DCLK1: variants seen among roughly 807,000 people sequenced by gnomAD.
DCLK1 encodes serine/threonine-protein kinase DCLK1.
DCLK1 carries 16 observed loss-of-function variants against 86.2 expected under a neutral mutation model. That is an observed-to-expected ratio of 0.19 (90% confidence interval 0.13 to 0.28). DCLK1 has a LOEUF of 0.28. Ranked by LOEUF, DCLK1 falls within the 10% of genes least tolerant of loss-of-function variation. The probability of loss-of-function intolerance (pLI) is 1.00; values close to 1 mark genes in which losing one functional copy is unlikely to be tolerated. For synonymous variants in DCLK1, 369 were observed against 370.5 expected (o/e 1.00, Z 0.05); for missense variants, 590 against 940.2 (o/e 0.63, Z 4.87).
At chr13:35,951,070 CTCCATGGCTCAGAAAGCCA>C (rs1249840568) in intron 3 of DCLK1, among the ~76,000 whole-genome samples, 6 of 152,094 alleles carry the variant, frequency 3.9e-5, no homozygotes, top group Non-Finnish European at 8.8e-5. Context: ...CAATATCTCT[CTCCATGGCTCAGAAAGCCA>C]TCCATGGCTT....
chr13:35,886,452 G>T (rs894682243), intron 4 of DCLK1, among the ~76,000 whole-genome samples: 4 of 152,150 alleles, frequency 2.6e-5, no homozygotes, highest in Non-Finnish European at 5.9e-5. Flanking sequence ...GGAGATTGCA[G>T]AAATATCTAC....
chr13:35,998,714 T>C (rs1366107895), intron 3 of DCLK1, among the ~76,000 whole-genome samples: 1 of 152,166 alleles, frequency 6.6e-6, no homozygotes, highest in African/African-American at 2.4e-5. Context: ...GGTATTGTGA[T>C]TATGCTTTTC....
chr13:35,917,128 C>G (rs548845055), intron 4 of DCLK1, among the ~76,000 whole-genome samples: 20 of 152,266 alleles, frequency 1.3e-4, no homozygotes, highest in Non-Finnish European at 2.9e-4. Context: ...GACTGTCCAC[C>G]CTTCATCAAA....
At chr13:36,096,626 T>C (rs990436367) in intron 3 of DCLK1, among the ~76,000 whole-genome samples, 1 of 152,184 alleles carries the variant, frequency 6.6e-6, no homozygotes, top group Non-Finnish European at 1.5e-5. Flanking sequence ...TATGAAATAA[T>C]TGGATCTCAT....
chr13:35,889,550 T>C (rs576875237), intron 4 of DCLK1, among the ~76,000 whole-genome samples: 1 of 152,318 alleles, frequency 6.6e-6, no homozygotes, highest in African/African-American at 2.4e-5. Flanking sequence ...TTTTTCATTT[T>C]TGTTTTAATT....
At chr13:35,888,847 A>C (rs1374843156) in intron 4 of DCLK1, among the ~76,000 whole-genome samples, 2 of 152,224 alleles carry the variant, frequency 1.3e-5, no homozygotes, top group Non-Finnish European at 2.9e-5. Context: ...ATCATCTTCA[A>C]ATATTTACCC....
intron 4 of DCLK1, among the ~76,000 whole-genome samples, chr13:35,941,186 C>CT (rs1038834292): frequency 1.3e-4 from 20 of 151,970 alleles, no homozygotes; most frequent in South Asian, 1.0e-3. Flanking sequence ...AAAGTAATCA[C>CT]TTTTTTTTGC....
intron 2 of DCLK1, among the ~76,000 whole-genome samples, chr13:36,119,935 G>A (rs1436743642): frequency 1.3e-5 from 2 of 152,124 alleles, no homozygotes; most frequent in African/African-American, 4.8e-5. Flanking sequence ...TTCCATTACA[G>A]GAAGATGGGT....
chr13:35,966,627 GC>G (rs1878753529), intron 3 of DCLK1, among the ~76,000 whole-genome samples: 1 of 151,686 alleles, frequency 6.6e-6, no homozygotes, highest in Non-Finnish European at 1.5e-5. Flanking sequence ...GCCTCAGCCT[GC>G]CGAGTGCCTG....
chr13:36,001,862 T>C (rs1880736917), intron 3 of DCLK1, among the ~76,000 whole-genome samples: 1 of 152,130 alleles, frequency 6.6e-6, no homozygotes, highest in Admixed American at 6.5e-5. Context: ...TGAAAGCCCA[T>C]CATTGTACAG....
intron 6 of DCLK1, chr13:35,850,647 T>C (rs1870546530): frequency 2.8e-6 from 4 of 1,447,110 alleles, no homozygotes; most frequent in Non-Finnish European, 3.7e-6. Context: ...TGTATTTTGC[T>C]GTAAGACTTT....
At chr13:35,982,707 G>A (rs917922230) in intron 3 of DCLK1, among the ~76,000 whole-genome samples, 13 of 152,078 alleles carry the variant, frequency 8.5e-5, no homozygotes, top group South Asian at 2.1e-4. Context: ...CGTCTGTTGC[G>A]GAACGTTACA....
chr13:35,989,640 T>TCAGGCAATC (rs1212566436), intron 3 of DCLK1, among the ~76,000 whole-genome samples: 2 of 151,866 alleles, frequency 1.3e-5, no homozygotes, highest in Admixed American at 1.3e-4. Flanking sequence ...ACTCCTAGAG[T>TCAGGCAATC]CAGGCAATCT....
At chr13:36,044,822 A>G (rs1012810172) in intron 3 of DCLK1, among the ~76,000 whole-genome samples, 7 of 152,064 alleles carry the variant, frequency 4.6e-5, no homozygotes, top group Non-Finnish European at 7.4e-5. Context: ...AACAAAATAA[A>G]CATATTTTTT....
chr13:35,804,713 G>A (rs1425871618), intron 15 of DCLK1, among the ~76,000 whole-genome samples: 1 of 152,002 alleles, frequency 6.6e-6, no homozygotes, highest in Non-Finnish European at 1.5e-5. Flanking sequence ...GATTACAGGC[G>A]TGAGGCACTG....
intron 6 of DCLK1, chr13:35,847,713 G>A: frequency 1.0e-6 from 1 of 984,048 alleles, no homozygotes; most frequent in Non-Finnish European, 1.2e-6. Context: ...TCCCCGGCTG[G>A]TTATGTAGGG....
At chr13:35,957,020 CT>C (rs1452832638) in intron 3 of DCLK1, among the ~76,000 whole-genome samples, 1 of 88,442 alleles carries the variant, frequency 1.1e-5, no homozygotes, top group African/African-American at 4.3e-5. Flanking sequence ...ATTGTATGTT[CT>C]TTGTTAGGGT....
At chr13:35,783,651 T>A (rs1230705165) in intron 16 of DCLK1, among the ~76,000 whole-genome samples, 1 of 151,774 alleles carries the variant, frequency 6.6e-6, no homozygotes, top group East Asian at 1.9e-4. Flanking sequence ...AGTGGTGTGA[T>A]CTCGGCTCAT....
Position 35,960,187 on chromosome 13 carries a change from C to G in DCLK1, c.724-12730G>C, listed in dbSNP as rs187914269. 1.3e-3 allele frequency among the ~76,000 whole-genome samples: 200 copies of G among 152,264 alleles called. 1 individual carries two copies. Among genetic ancestry groups the G allele is most frequent in the East Asian group, 2.3e-3 (12 of 5,162 alleles). ...GCTCCTTCTACTTCCCTTTCTCCCC[C>G]CTTAATCCATCCTCTGGCTGCAAGG... On this transcript the variant is annotated intron_variant, in intron 3 of 16. Transcript: ENST00000360631.
Sources: gnomAD v4.1 joint callset for allele counts (sites outside exome capture counted in the v4.1 genomes callset) on GRCh38, gnomAD v4.1.1 for gene constraint, MANE v1.5 for transcripts, NCBI Gene and HGNC (gene_info 2026-07-23, HGNC 2026-07-21) for gene names.